Variants in AACS observed in about 807,000 individuals in gnomAD.
The protein encoded by AACS is acetoacetate-CoA ligase.
Under a neutral mutation model 83.1 loss-of-function variants are expected in AACS, and 69 were observed. The ratio of observed to expected loss-of-function variants is 0.83; its 90% CI spans 0.68 to 1.01. AACS has a LOEUF of 1.01. Among genes scored for constraint, AACS ranks in the 50% least tolerant of loss-of-function variants. The pLI, the probability that AACS is intolerant of heterozygous loss-of-function variation, is 0.00. For missense variants in AACS, 866 were observed against 882.2 expected (o/e 0.98, Z 0.23); for synonymous variants, 333 against 343.4 (o/e 0.97, Z 0.33).
intron 16 of AACS, chr12:125,136,178 T>G (rs1315767839): frequency 6.3e-6 from 1 of 158,158 alleles, no homozygotes; most frequent in Non-Finnish European, 1.4e-5. Context: ...GCTTCCCGAG[T>G]AGCTGTGTCT....
chr12:125,101,693 G>A (rs1260475725), intron 5 of AACS: 1 of 150,016 alleles, frequency 6.7e-6, no homozygotes, highest in Admixed American at 6.6e-5. Flanking sequence ...AATACTTCTG[G>A]TATTTCTTGA....
chr12:125,125,751 G>A (rs1171068919), intron 12 of AACS: 1 of 152,206 alleles, frequency 6.6e-6, no homozygotes, highest in African/African-American at 2.4e-5. Flanking sequence ...TTAGGGTACA[G>A]TCTTAATTTA....
intron 9 of AACS, chr12:125,117,854 C>T: frequency 6.6e-6 from 1 of 151,782 alleles, no homozygotes; most frequent in East Asian, 1.9e-4. Context: ...CGTGGTGGCT[C>T]ACATCTGTGG....
At chr12:125,083,517 C>T (rs1956253790) in intron 3 of AACS, among the ~76,000 whole-genome samples, 1 of 152,032 alleles carries the variant, frequency 6.6e-6, no homozygotes, top group South Asian at 2.1e-4. Flanking sequence ...TTTTAACATA[C>T]ATTTCTTTGA....
Position 125,129,130 on chromosome 12 carries a change from T to G in AACS, c.1424-205T>G. The G allele has an allele frequency of 1.8e-6, 1 of 568,464 alleles. No individual in the cohort carries two copies. Among genetic ancestry groups the G allele is most frequent in the Non-Finnish European group, 2.8e-6 (1 of 354,674 alleles). 35.2% of individuals were successfully genotyped at this position (568,464 alleles called of 1,614,324 possible). On this transcript the variant is annotated intron_variant, in intron 13 of 17. Transcript: ENST00000316519. The surrounding 1 kb of genome is among the most constrained non-coding windows in gnomAD (Gnocchi z 4.3). ...AATCACTACGTCCGAGACAGCGATTTTGGGGAGCACACAGGGAGGGGACTT... is the reference window on the plus strand; with the variant it reads ...AATCACTACGTCCGAGACAGCGATTGTGGGGAGCACACAGGGAGGGGACTT...
intron 5 of AACS, 56 bp downstream of exon 5, chr12:125,091,579 A>G: frequency 6.4e-7 from 1 of 1,574,542 alleles, no homozygotes; most frequent in Non-Finnish European, 8.7e-7. Flanking sequence ...CATCCTGGGC[A>G]GGGGCTGCAT....
chr12:125,080,190 A>G (rs1956136854), intron 3 of AACS, among the ~76,000 whole-genome samples: 1 of 152,172 alleles, frequency 6.6e-6, no homozygotes, highest in African/African-American at 2.4e-5. Context: ...CGTAATCCTG[A>G]GAAGGAGAAC....
rs1956557814 is a variant in AACS, at chr12:125,094,391, C to T, written c.570+2868C>T. On this transcript the variant is annotated intron_variant, in intron 5 of 17. Transcript: ENST00000316519. This position sits in a 1 kb window ranked among gnomAD's most constrained non-coding sequence, Gnocchi z 4.1. Reference sequence around the variant, plus strand: ...AGAGAATATCGTAAAGGGAAATTGCCACTCTCCTACAAATCCTGTGTTGAC... The same window carrying T: ...AGAGAATATCGTAAAGGGAAATTGCTACTCTCCTACAAATCCTGTGTTGAC... 1.3e-5 allele frequency among the ~76,000 whole-genome samples: 2 copies of T among 152,150 alleles called. No individual in the cohort carries two copies. The highest frequency in any genetic ancestry group is 2.1e-4 in the South Asian group (1 of 4,822).
chr12:125,102,733 G>A lies in AACS; in HGVS notation c.625G>A (p.Ala209Thr). ...IQPKLIFSVE[A>T]VVYNGKEHNH... Reference sequence around the variant, plus strand: ...GCCAAAGCTCATCTTCTCTGTGGAGGCTGTTGTCTATAATGGCAAAGAGCA... The same window carrying A: ...GCCAAAGCTCATCTTCTCTGTGGAGACTGTTGTCTATAATGGCAAAGAGCA... Residue 209 changes from alanine to threonine, a missense_variant, in exon 6 of 18, where the codon GCT becomes ACT. Ala to Thr is a moderately conservative substitution (Grantham distance 58). Coordinates refer to ENST00000316519, the MANE Select transcript of AACS (RefSeq NM_023928.5). 1 of 1,614,130 alleles carries A rather than the reference G, an allele frequency of 6.2e-7. No individual in the cohort carries two copies. Among genetic ancestry groups the A allele is most frequent in the Non-Finnish European group, 8.5e-7 (1 of 1,180,004 alleles).
intron 9 of AACS, 163 bp from the exon 10 acceptor site, chr12:125,118,478 T>C (rs969712444): frequency 2.5e-6 from 2 of 798,016 alleles, no homozygotes; most frequent in Admixed American, 2.9e-5. Flanking sequence ...CATTCTTAGA[T>C]GTGGAGTTGC....
chr12:125,092,153 G>GC (rs926573942), intron 5 of AACS, among the ~76,000 whole-genome samples: 3 of 151,996 alleles, frequency 2.0e-5, no homozygotes, highest in Admixed American at 2.0e-4. Flanking sequence ...TCTTCCTGGG[G>GC]CCCCCACTCC....
In AACS at chr12:125,129,681, T is replaced by C. The variant is rs939631390; in HGVS notation, c.1549+221T>C. ...CGTGTGCAACTGCAATCTGGTTTAG[T>C]TGAATCTCAGCCACCTCTGCCCAGA... On this transcript the variant is annotated intron_variant, in intron 14 of 17. Transcript: ENST00000316519. This position sits in a 1 kb window ranked among gnomAD's most constrained non-coding sequence, Gnocchi z 4.3. Among the ~76,000 whole-genome samples, 2 of 152,190 alleles carry C rather than the reference T, an allele frequency of 1.3e-5. No individual in the cohort carries two copies. Among genetic ancestry groups the C allele is most frequent in the African/African-American group, 4.8e-5 (2 of 41,446 alleles).
intron 14 of AACS, among the ~76,000 whole-genome samples, chr12:125,132,365 C>T (rs1258382879): frequency 2.0e-5 from 3 of 152,218 alleles, no homozygotes; most frequent in Non-Finnish European, 4.4e-5. Flanking sequence ...AGAAATTTCT[C>T]GTCCGATTAA....
intron 4 of AACS, among the ~76,000 whole-genome samples, chr12:125,088,838 G>T (rs1235171473): frequency 6.6e-6 from 1 of 152,226 alleles, no homozygotes. Context: ...CAGCCATTTT[G>T]TGGGTCTCAG....
chr12:125,093,602 A>G (rs1956538626), intron 5 of AACS, among the ~76,000 whole-genome samples: 1 of 152,126 alleles, frequency 6.6e-6, no homozygotes, highest in African/African-American at 2.4e-5. Flanking sequence ...CTGGAGTGGG[A>G]AGTGCTGGCC....
At chr12:125,073,783 T>G in intron 1 of AACS, 93 bp from the exon 2 acceptor site, 2 of 1,044,376 alleles carry the variant, frequency 1.9e-6, no homozygotes, top group Non-Finnish European at 2.9e-6. Context: ...TTGGCTCGCT[T>G]GGACATGCTC....
intron 3 of AACS, among the ~76,000 whole-genome samples, chr12:125,086,108 G>C (rs1000029017): frequency 6.6e-6 from 1 of 152,196 alleles, no homozygotes; most frequent in Non-Finnish European, 1.5e-5. Flanking sequence ...GAATCTTTAC[G>C]CAGCACATGT....
chr12:125,130,576 T>C lies in AACS; in HGVS notation c.1549+1116T>C, dbSNP rs1048040043. ...AACATTGCTCTTTGAAAACTCTCTT[T>C]TCTGTCACTTTATTTGTCACATGTG... On this transcript the variant is annotated intron_variant, in intron 14 of 17. Transcript: ENST00000316519. The surrounding 1 kb of genome is among the most constrained non-coding windows in gnomAD (Gnocchi z 4.9). Among the ~76,000 whole-genome samples, 2 of 152,262 alleles carry C rather than the reference T, an allele frequency of 1.3e-5. No individual in the cohort carries two copies. Among genetic ancestry groups the C allele is most frequent in the African/African-American group, 4.8e-5 (2 of 41,466 alleles).
At chr12:125,078,641 T>C (rs1956088547) in intron 3 of AACS, among the ~76,000 whole-genome samples, 1 of 152,014 alleles carries the variant, frequency 6.6e-6, no homozygotes, top group Non-Finnish European at 1.5e-5. Flanking sequence ...GCCAACATAG[T>C]GAAACCCATT....
Sources: allele counts gnomAD v4.1 joint callset (sites outside exome capture counted in the v4.1 genomes callset), GRCh38; gene constraint gnomAD v4.1.1; non-coding constraint Gnocchi (gnomAD v3.1); transcripts MANE v1.5; gene names NCBI Gene and HGNC (gene_info 2026-07-23, HGNC 2026-07-21).